The following LOC400499 variants were observed in gnomAD, a reference collection of about 807,000 sequenced individuals.
At chr16:11,508,565 G>C in the LOC400499 span, among the ~76,000 whole-genome samples, 1 of 152,246 alleles carries the variant, frequency 6.6e-6, no homozygotes. Context: ...ACCAGGCACA[G>C]CTGTGCAGTG....
chr16:11,486,213 G>T, the LOC400499 span, among the ~76,000 whole-genome samples: 1 of 142,144 alleles, frequency 7.0e-6, no homozygotes, highest in Non-Finnish European at 1.5e-5. Context: ...ATGAATGGAT[G>T]ATGGGTGGGT....
chr16:11,378,417 C>G, the LOC400499 span, among the ~76,000 whole-genome samples: 1 of 152,070 alleles, frequency 6.6e-6, no homozygotes, highest in Non-Finnish European at 1.5e-5. Flanking sequence ...GCGCCTGCCA[C>G]CACGCCTGGC....
At chr16:11,447,888 G>A in the LOC400499 span, 3 of 1,508,406 alleles carry the variant, frequency 2.0e-6, no homozygotes, top group Non-Finnish European at 1.8e-6. Context: ...TGCTAGAGAA[G>A]GGGAAACTTG....
At chr16:11,391,709 C>T in the LOC400499 span, 2 of 1,232,284 alleles carry the variant, frequency 1.6e-6, no homozygotes, top group South Asian at 4.1e-5. Context: ...CCTGCAGCCA[C>T]TCCAGGTAAA....
At chr16:11,415,984 T>A in the LOC400499 span, among the ~76,000 whole-genome samples, 1 of 150,746 alleles carries the variant, frequency 6.6e-6, no homozygotes, top group African/African-American at 2.4e-5. Context: ...GAGACAGAGT[T>A]TCACTCTGTG....
At chr16:11,480,140 C>G in the LOC400499 span, among the ~76,000 whole-genome samples, 1 of 152,206 alleles carries the variant, frequency 6.6e-6, no homozygotes, top group Non-Finnish European at 1.5e-5. Context: ...TCCCTATTGT[C>G]TCTCCAACAC....
chr16:11,383,844 A>G, the LOC400499 span: 3 of 1,232,166 alleles, frequency 2.4e-6, no homozygotes, highest in Non-Finnish European at 3.0e-6. Context: ...GCTTGATGAG[A>G]CAAAGGGCCT....
chr16:11,443,045 C>T, the LOC400499 span, among the ~76,000 whole-genome samples: 5,121 of 152,082 alleles, frequency 0.034, 128 homozygotes, highest in East Asian at 0.14. Context: ...TAGAAATGGC[C>T]GGGCGTGGTG....
chr16:11,495,882 C>T, the LOC400499 span, among the ~76,000 whole-genome samples: 2 of 152,176 alleles, frequency 1.3e-5, no homozygotes, highest in East Asian at 3.8e-4. Flanking sequence ...CCAGGAGAGG[C>T]TGGCTCCCAG....
chr16:11,379,555 G>A, the LOC400499 span, among the ~76,000 whole-genome samples: 1 of 152,208 alleles, frequency 6.6e-6, no homozygotes, highest in Non-Finnish European at 1.5e-5. Flanking sequence ...TATTTTTAAA[G>A]ATTATCATTC....
At chr16:11,411,758 A>G in the LOC400499 span, among the ~76,000 whole-genome samples, 1 of 147,800 alleles carries the variant, frequency 6.8e-6, no homozygotes, top group African/African-American at 2.5e-5. Context: ...CAGGATTTTA[A>G]CCCCCTGACT....
chr16:11,419,077 A>T, the LOC400499 span, among the ~76,000 whole-genome samples: 1 of 152,150 alleles, frequency 6.6e-6, no homozygotes, highest in Admixed American at 6.5e-5. Context: ...GAAGCGGTGG[A>T]ATCTCTTGAG....
the LOC400499 span, among the ~76,000 whole-genome samples, chr16:11,423,900 A>C: frequency 6.6e-6 from 1 of 152,182 alleles, no homozygotes; most frequent in African/African-American, 2.4e-5. Context: ...TGCAGCCCCG[A>C]GAGGCCATGG....
the LOC400499 span, among the ~76,000 whole-genome samples, chr16:11,495,053 A>T: frequency 1.3e-5 from 2 of 152,142 alleles, no homozygotes; most frequent in Admixed American, 6.5e-5. Flanking sequence ...TACTAAAAAC[A>T]CAAAAATTAG....
chr16:11,392,544 T>C, the LOC400499 span: 1 of 399,188 alleles, frequency 2.5e-6, no homozygotes, highest in Non-Finnish European at 4.4e-6. Context: ...ACCATGTCTC[T>C]GGCTGCCCAC....
At chr16:11,421,194 C>G in the LOC400499 span, among the ~76,000 whole-genome samples, 13,584 of 152,176 alleles carry the variant, frequency 0.089, 604 homozygotes, top group Middle Eastern at 0.19. Context: ...CTCTCTGTCA[C>G]TATCCACAGA....
chr16:11,449,302 A>C, the LOC400499 span, among the ~76,000 whole-genome samples: 1 of 152,052 alleles, frequency 6.6e-6, no homozygotes, highest in East Asian at 1.9e-4. Context: ...ACAAGAAGAA[A>C]AACTCCTCTC....
the LOC400499 span, among the ~76,000 whole-genome samples, chr16:11,427,371 AAAAAAAAGT>A: frequency 6.6e-6 from 1 of 150,516 alleles, no homozygotes; most frequent in Non-Finnish European, 1.5e-5. Flanking sequence ...AAAAAAAAAA[AAAAAAAAGT>A]GCTCAACATA....
chr16:11,421,291 T>A, the LOC400499 span, among the ~76,000 whole-genome samples: 1 of 152,178 alleles, frequency 6.6e-6, no homozygotes, highest in Non-Finnish European at 1.5e-5. Flanking sequence ...CTCCCTGGAC[T>A]TTCCCCCCAG....
Sources: gnomAD v4.1 joint callset for allele counts (sites outside exome capture counted in the v4.1 genomes callset) on GRCh38, gnomAD v4.1.1 for gene constraint, MANE v1.5 for transcripts.